The following LHPP variants were observed in gnomAD, a reference collection of about 807,000 sequenced individuals.
LHPP encodes hLHPP.
A neutral mutation model predicts 30.3 loss-of-function variants in LHPP; 24 were observed. The ratio of observed to expected loss-of-function variants is 0.79; its 90% CI spans 0.57 to 1.11. The LOEUF (loss-of-function observed/expected upper bound fraction) is 1.11, where lower values mean the gene tolerates loss of function less well. Among genes scored for constraint, LHPP ranks in the 50% most tolerant of loss-of-function variants. The pLI is 0.00. For synonymous variants in LHPP, 150 were observed against 157.1 expected (o/e 0.95, Z 0.34); for missense variants, 356 against 367.2 (o/e 0.97, Z 0.25).
Position 124,613,688 on chromosome 10 carries a change from A to C in LHPP, c.*328A>C. 9 of 413,436 alleles carry C rather than the reference A, an allele frequency of 2.2e-5. No homozygotes were observed. Among genetic ancestry groups the C allele is most frequent in the Non-Finnish European group, 2.7e-5 (6 of 221,886 alleles). The allele number at this position is 413,436 out of a possible 1,614,324, so 25.6% of individuals were successfully genotyped here. A position where few individuals can be genotyped will look rare whatever the true frequency, so the allele number is the denominator to read the frequency against. ...TGTCAGGCCTCTGGGAATCTCCCAA[A>C]TCCCAGAACTCACCACTCACCATGG... On this transcript the variant is annotated 3_prime_UTR_variant, in exon 7 of 7. Coordinates refer to ENST00000368842, the MANE Select transcript of LHPP (RefSeq NM_022126.4).
chr10:124,574,991 A>C (rs943205273), intron 6 of LHPP, among the ~76,000 whole-genome samples: 2 of 152,132 alleles, frequency 1.3e-5, no homozygotes, highest in Non-Finnish European at 2.9e-5. Flanking sequence ...AGAAGCTGCC[A>C]TCAGTAGCCA....
chr10:124,474,734 A>C (rs922914131), intron 1 of LHPP, among the ~76,000 whole-genome samples: 1 of 151,758 alleles, frequency 6.6e-6, no homozygotes. Context: ...CGATGTGAAC[A>C]TGCCGTTGGG....
intron 6 of LHPP, among the ~76,000 whole-genome samples, chr10:124,585,474 G>A (rs1428829996): frequency 6.6e-6 from 1 of 151,942 alleles, no homozygotes; most frequent in South Asian, 2.1e-4. Flanking sequence ...AATTAGCCAG[G>A]CATGGTGGCT....
chr10:124,488,756 A>G (rs964708089), intron 3 of LHPP, among the ~76,000 whole-genome samples, 181 bp downstream of exon 3: 8 of 151,730 alleles, frequency 5.3e-5, no homozygotes, highest in African/African-American at 1.7e-4. Context: ...TCCTTTAATC[A>G]TTTCTTTAGG....
chr10:124,609,715 G>A (rs1256757230), intron 6 of LHPP, among the ~76,000 whole-genome samples: 2 of 152,288 alleles, frequency 1.3e-5, no homozygotes, highest in South Asian at 2.1e-4. Flanking sequence ...GTCTGCCTTT[G>A]CCAGCTCTGG....
chr10:124,553,208 C>T (rs1453035941), intron 6 of LHPP, among the ~76,000 whole-genome samples: 1 of 147,888 alleles, frequency 6.8e-6, no homozygotes, highest in Non-Finnish European at 1.5e-5. Flanking sequence ...ATCCCCAGAA[C>T]ACGGCTGATT....
intron 6 of LHPP, among the ~76,000 whole-genome samples, chr10:124,597,046 C>T (rs1218434759): frequency 6.6e-6 from 1 of 152,168 alleles, no homozygotes; most frequent in African/African-American, 2.4e-5. Flanking sequence ...TGGCTTTCAT[C>T]CGTCTCCCGT....
At position 124,517,186 on chromosome 10, in the gene LHPP, A is replaced by T; in HGVS notation, c.631A>T (p.Met211Leu). 6.2e-7 allele frequency: 1 copy of T among 1,603,216 alleles called. No individual in the cohort carries two copies. Among genetic ancestry groups the T allele is most frequent in the Non-Finnish European group, 8.5e-7 (1 of 1,174,868 alleles). ...TATTTCACTGCCGTGACAGGCCGTC[A>T]TGATTGGGGACGATATCGTGGGCGA... ...AIGVEAHQAV[M>L]IGDDIVGDVG... The change falls in exon 6 of 7, where the codon ATG becomes TTG. Residue 211 changes from methionine to leucine, a missense_variant. By Grantham distance (15) the Met-to-Leu change is conservative. Transcript: ENST00000368842. The surrounding 1 kb of genome is among the most constrained non-coding windows in gnomAD (Gnocchi z 4.1).
chr10:124,548,863 T>G (rs1319752635), intron 6 of LHPP, among the ~76,000 whole-genome samples: 1 of 152,236 alleles, frequency 6.6e-6, no homozygotes, highest in Non-Finnish European at 1.5e-5. Flanking sequence ...GCTAGCTCTT[T>G]CTGCTGTGGC....
chr10:124,518,206 C>T (rs1954510833), intron 6 of LHPP, among the ~76,000 whole-genome samples: 1 of 152,184 alleles, frequency 6.6e-6, no homozygotes, highest in Non-Finnish European at 1.5e-5. Flanking sequence ...CTTCCAGCTA[C>T]CTCCCAGACC....
At chr10:124,552,636 C>T (rs1361559893) in intron 6 of LHPP, among the ~76,000 whole-genome samples, 3 of 152,162 alleles carry the variant, frequency 2.0e-5, no homozygotes, top group African/African-American at 7.2e-5. Flanking sequence ...TGCCAGCCCC[C>T]GCCCCTGTAG....
At chr10:124,475,527 T>C (rs541517178) in intron 1 of LHPP, among the ~76,000 whole-genome samples, 1 of 151,852 alleles carries the variant, frequency 6.6e-6, no homozygotes, top group African/African-American at 2.4e-5. Context: ...GGTGACTGAG[T>C]GAGACTCCGT....
intron 1 of LHPP, among the ~76,000 whole-genome samples, chr10:124,463,752 C>T (rs1952471927): frequency 1.3e-5 from 2 of 151,954 alleles, no homozygotes; most frequent in Admixed American, 1.3e-4. Flanking sequence ...AGGCAGTCCT[C>T]CTGCCTTGGT....
chr10:124,573,300 A>C (rs1185546077), intron 6 of LHPP, among the ~76,000 whole-genome samples: 1 of 152,204 alleles, frequency 6.6e-6, no homozygotes, highest in African/African-American at 2.4e-5. Context: ...CACACTATTC[A>C]TGAGACACCA....
chr10:124,532,481 C>G (rs1954923021), intron 6 of LHPP, among the ~76,000 whole-genome samples: 1 of 152,250 alleles, frequency 6.6e-6, no homozygotes, highest in Non-Finnish European at 1.5e-5. Flanking sequence ...TCCTTCTCAC[C>G]TCATGCCTTT....
At chr10:124,528,798 T>A (rs1318629381) in intron 6 of LHPP, among the ~76,000 whole-genome samples, 1 of 152,022 alleles carries the variant, frequency 6.6e-6, no homozygotes, top group Non-Finnish European at 1.5e-5. Flanking sequence ...ATGTGGGGGA[T>A]CGAGTGAATG....
chr10:124,576,910 G>C lies in LHPP; in HGVS notation c.717-36354G>C, dbSNP rs1051796592. 5.3e-5 allele frequency among the ~76,000 whole-genome samples: 8 copies of C among 152,166 alleles called. No individual in the cohort carries two copies. The highest frequency in any genetic ancestry group is 1.9e-4 in the African/African-American group (8 of 41,428). On this transcript the variant is annotated intron_variant, in intron 6 of 6. Transcript: ENST00000368842. The surrounding 1 kb of genome is among the most constrained non-coding windows in gnomAD (Gnocchi z 4.2). ...GGCCTCCATGTGCCACTGTCAAGGG[G>C]ACTTGGCCCGCCATGATCCTGAGTG...
chr10:124,587,974 G>A (rs145374597), intron 6 of LHPP, among the ~76,000 whole-genome samples: 16 of 152,278 alleles, frequency 1.1e-4, no homozygotes, highest in East Asian at 9.7e-4. Context: ...GCTGAAGGCC[G>A]TGATAAACAC....
At chr10:124,483,997 GC>G in intron 1 of LHPP, 141 bp from the exon 2 acceptor site, 2 of 711,696 alleles carry the variant, frequency 2.8e-6, no homozygotes, top group Non-Finnish European at 4.7e-6. Context: ...TCCTGGATCA[GC>G]CAGGACCCCC....
Sources: gnomAD v4.1 joint callset for allele counts (sites outside exome capture counted in the v4.1 genomes callset) on GRCh38, gnomAD v4.1.1 for gene constraint, Gnocchi (gnomAD v3.1) non-coding constraint, MANE v1.5 for transcripts, NCBI Gene and HGNC (gene_info 2026-07-23, HGNC 2026-07-21) for gene names.